Variants in CERS4 observed in about 807,000 individuals in gnomAD.
CERS4 encodes ceramide synthase 4, also known as LAG1 homolog, ceramide synthase 4.
In CERS4, 65 loss-of-function variants were observed where a neutral mutation model predicts 51.8. The ratio of observed to expected loss-of-function variants is 1.26; its 90% CI spans 1.03 to 1.54. The LOEUF (loss-of-function observed/expected upper bound fraction) is 1.54, where lower values mean the gene tolerates loss of function less well. Among genes scored for constraint, CERS4 ranks in the 40% most tolerant of loss-of-function variants. The pLI is 0.00. For synonymous variants in CERS4, 228 were observed against 208.4 expected (o/e 1.09, Z -0.81); for missense variants, 563 against 500.4 (o/e 1.13, Z -1.19).
Position 8,242,393 on chromosome 19 carries a change from G to C in CERS4, c.-1-8683G>C, listed in dbSNP as rs149388064. 3.3e-5 allele frequency among the ~76,000 whole-genome samples: 5 copies of C among 152,274 alleles called. No individual in the cohort carries two copies. The East Asian group carries it at 7.7e-4, about 23-fold the overall frequency. ...GCTCCCTGGTTTAGAAAGTGCATCTGTTCCCCTTTCTGTGCCACTCAGGAA... is the reference window on the plus strand; with the variant it reads ...GCTCCCTGGTTTAGAAAGTGCATCTCTTCCCCTTTCTGTGCCACTCAGGAA... On this transcript the variant is annotated intron_variant, in intron 2 of 11. Coordinates refer to ENST00000251363, the MANE Select transcript of CERS4 (RefSeq NM_024552.3).
chr19:8,226,855 G>A (rs937985466), intron 2 of CERS4, among the ~76,000 whole-genome samples: 12 of 151,822 alleles, frequency 7.9e-5, no homozygotes, highest in African/African-American at 2.4e-4. Context: ...TAGGCCAGGC[G>A]CAGTGGCTCA....
At chr19:8,217,892 CG>C (rs1967371111) in intron 2 of CERS4, among the ~76,000 whole-genome samples, 1 of 152,116 alleles carries the variant, frequency 6.6e-6, no homozygotes, top group South Asian at 2.1e-4. Context: ...AGACTGGTCT[CG>C]AACTCCTGAT....
chr19:8,234,700 C>A (rs921288123), intron 2 of CERS4, among the ~76,000 whole-genome samples: 1 of 147,828 alleles, frequency 6.8e-6, no homozygotes, highest in Non-Finnish European at 1.5e-5. Context: ...ATTACAGGCA[C>A]GCATCACTAT....
At chr19:8,255,536 T>C (rs1969328854) in intron 4 of CERS4, 71 bp from the exon 5 acceptor site, 1 of 1,364,576 alleles carries the variant, frequency 7.3e-7, no homozygotes, top group African/African-American at 1.4e-5. Flanking sequence ...CAGAGCCAAG[T>C]CCTGTCTGGG....
rs755998984 is a variant in CERS4, at chr19:8,257,071, G to A, written c.735G>A (p.Leu245=). The A allele has an allele frequency of 2.5e-6, 4 of 1,599,112 alleles. No individual in the cohort carries two copies. Among genetic ancestry groups the A allele is most frequent in the Non-Finnish European group, 3.4e-6 (4 of 1,171,036 alleles). ...VLLLHDSSDY[L]LEACKMVNYM... is the part of the protein sequence containing the mutation. ...TGTTACACGATTCCTCTGACTACCT[G>A]CTGGAGGTGGGCCCGACCCCTGCCT... Residue 245 remains leucine, a synonymous_variant, in exon 9 of 12, where the codon CTG becomes CTA. Transcript: ENST00000251363.
At chr19:8,226,446 C>A (rs775325707) in intron 2 of CERS4, among the ~76,000 whole-genome samples, 7 of 152,060 alleles carry the variant, frequency 4.6e-5, no homozygotes, top group Non-Finnish European at 8.8e-5. Context: ...TATGCTGTCA[C>A]CAGGGAGCAG....
rs138975988 is a variant in CERS4 at position 8,249,778 on chromosome 19, A to T, written c.-1-1298A>T. On this transcript the variant is annotated intron_variant, in intron 2 of 11. Transcript: ENST00000251363. ...GCTAATTTTTGTATTTTTAGTAGAG[A>T]CAGGGTTTCACCATGTTGGCCAGGC... Among the ~76,000 whole-genome samples the T allele has an allele frequency of 4.9e-3, 745 of 151,326 alleles. 9 individuals are homozygous for T. The highest frequency in any genetic ancestry group is 0.017 in the African/African-American group (708 of 41,228).
At chr19:8,243,754 C>T (rs1226342319) in intron 2 of CERS4, among the ~76,000 whole-genome samples, 1 of 151,958 alleles carries the variant, frequency 6.6e-6, no homozygotes, top group Non-Finnish European at 1.5e-5. Flanking sequence ...ACTGACAAGT[C>T]CTACCCAGGC....
chr19:8,211,774 C>T (rs1273265032), intron 2 of CERS4, among the ~76,000 whole-genome samples: 1 of 151,474 alleles, frequency 6.6e-6, no homozygotes, highest in Admixed American at 6.6e-5. Context: ...TACCTGTAAT[C>T]TCAGCTGCAT....
In CERS4 at chr19:8,251,231, T is replaced by A. The variant is rs754900307; in HGVS notation, c.155T>A (p.Met52Lys). 6.2e-7 allele frequency: 1 copy of A among 1,606,788 alleles called. No homozygotes were observed. Among genetic ancestry groups the A allele is most frequent in the Non-Finnish European group, 8.5e-7 (1 of 1,176,788 alleles). The change falls in exon 3 of 12, where the codon ATG becomes AAG. Residue 52 changes from methionine to lysine, a missense_variant. Transcript: ENST00000251363. ...ALPLALVLLA[M>K]RLAFERFIGL... ...CCCCTGGCGCTGGTCCTCCTGGCCATGCGCCTTGCCTTTGAGAGGTGAGTG... is the reference window on the plus strand; with the variant it reads ...CCCCTGGCGCTGGTCCTCCTGGCCAAGCGCCTTGCCTTTGAGAGGTGAGTG...
chr19:8,221,870 A>ATTTTTTTTTTTTTT (rs1568501097), intron 2 of CERS4, among the ~76,000 whole-genome samples: 1 of 31,772 alleles, frequency 3.1e-5, no homozygotes. Flanking sequence ...TTATTTTTTT[A>ATTTTTTTTTTTTTT]TGTTTTTTTT....
intron 2 of CERS4, among the ~76,000 whole-genome samples, chr19:8,219,357 C>A (rs1967434450): frequency 6.6e-6 from 1 of 152,162 alleles, no homozygotes; most frequent in African/African-American, 2.4e-5. Context: ...ACTGCAGGCC[C>A]ATGTAGGTTC....
intron 2 of CERS4, among the ~76,000 whole-genome samples, chr19:8,242,057 T>G (rs77224263): frequency 0.013 from 1,960 of 152,284 alleles, 50 homozygotes; most frequent in African/African-American, 0.045. Flanking sequence ...TATGCCAGAC[T>G]CTGCCTCAAT....
chr19:8,251,306 G>A lies in CERS4; in HGVS notation c.173+57G>A, dbSNP rs1030300103. Reference sequence around the variant, plus strand: ...CCCGCAGTCGCTCCAGTATGTGCTCGTGCCCTGTGTGCAATTTGCCATTGC... The same window carrying A: ...CCCGCAGTCGCTCCAGTATGTGCTCATGCCCTGTGTGCAATTTGCCATTGC... On this transcript the variant is annotated intron_variant, in intron 3 of 11. Transcript: ENST00000251363. 22 of 1,481,640 alleles carry A rather than the reference G, an allele frequency of 1.5e-5. No homozygotes were observed. The East Asian group carries it at 2.3e-4, about 15-fold the overall frequency. The allele number at this position is 1,481,640 out of a possible 1,614,324, so 91.8% of individuals were successfully genotyped here.
intron 2 of CERS4, among the ~76,000 whole-genome samples, chr19:8,231,340 C>T (rs1436412440): frequency 1.3e-5 from 2 of 152,112 alleles, no homozygotes; most frequent in Non-Finnish European, 2.9e-5. Context: ...TAAAATTTAA[C>T]TATTTTTTTA....
intron 2 of CERS4, among the ~76,000 whole-genome samples, chr19:8,241,102 CCAGCCCAAACACTTCAGCTG>C (rs1360558689): frequency 6.6e-6 from 1 of 152,042 alleles, no homozygotes; most frequent in African/African-American, 2.4e-5. Flanking sequence ...GTCGTCCAGC[CCAGCCCAAACACTTCAGCTG>C]CAGCTTTAAG....
At chr19:8,255,937 T>G in intron 6 of CERS4, 58 bp downstream of exon 6, 1 of 1,562,710 alleles carries the variant, frequency 6.4e-7, no homozygotes, top group Non-Finnish European at 8.8e-7. Flanking sequence ...GGCCTAGATC[T>G]GGCAGGAGTG....
At chr19:8,221,884 T>TTG (rs1555772059) in intron 2 of CERS4, among the ~76,000 whole-genome samples, 3,853 of 96,756 alleles carry the variant, frequency 0.04, 193 homozygotes, top group Non-Finnish European at 0.048. Flanking sequence ...TTTTTTTTTT[T>TTG]TTTTTTTTTT....
rs533039428 is a variant in CERS4 at position 8,232,417 on chromosome 19, A to C, written c.-1-18659A>C. Among the ~76,000 whole-genome samples the C allele has an allele frequency of 2.0e-3, 297 of 151,840 alleles. 2 individuals are homozygous for C. Among genetic ancestry groups the C allele is most frequent in the African/African-American group, 6.9e-3 (286 of 41,386 alleles). ...GCGATTCTCCTGCCTCAGCCTCCCTAGTAGCTGGGATTACAGGCACGTGCC... is the reference window on the plus strand; with the variant it reads ...GCGATTCTCCTGCCTCAGCCTCCCTCGTAGCTGGGATTACAGGCACGTGCC... On this transcript the variant is annotated intron_variant, in intron 2 of 11. Transcript: ENST00000251363.
Sources: allele counts gnomAD v4.1 joint callset (sites outside exome capture counted in the v4.1 genomes callset), GRCh38; gene constraint gnomAD v4.1.1; transcripts MANE v1.5; gene names NCBI Gene and HGNC (gene_info 2026-07-23, HGNC 2026-07-21).